STK31: variants seen among roughly 807,000 people sequenced by gnomAD.
The protein encoded by STK31 is serine/threonine kinase 31, also known as serine/threonine-protein kinase 31.
A neutral mutation model predicts 129.7 loss-of-function variants in STK31; 89 were observed. The ratio of observed to expected loss-of-function variants is 0.69; its 90% CI spans 0.58 to 0.82. The LOEUF is 0.82. Ranked by LOEUF, STK31 falls within the 40% of genes least tolerant of loss-of-function variation. STK31 has a pLI of 0.00. For missense variants in STK31, 1,187 were observed against 1,176.4 expected, an observed-to-expected ratio of 1.01 and a Z score of -0.13; for synonymous variants, 448 against 395.3, an observed-to-expected ratio of 1.13 and a Z score of -1.58.
At chr7:23,769,478 T>A (rs948986355) in intron 12 of STK31, among the ~76,000 whole-genome samples, 162 bp from the exon 13 acceptor site, 2 of 152,192 alleles carry the variant, frequency 1.3e-5, no homozygotes, top group Non-Finnish European at 2.9e-5. Context: ...CCTTTTCCTT[T>A]CAGTGCATAA....
rs1420524828 is a variant in STK31, at chr7:23,781,452, A to T, written c.1999A>T (p.Ile667Leu). The part of the protein sequence containing the change: ...DDPDGSQIEK[I>L]KEEITQLRNN... The stretch of plus-strand genomic sequence containing the variant: ...TCCTGATGGCTCTCAAATTGAGAAA[A>T]TAAAAGAAGAAATAACTCAGCTGCG... The change falls in exon 16 of 24, where the codon ATA becomes TTA. Residue 667 changes from isoleucine (I) to leucine (L), a missense_variant. Ile to Leu is a conservative substitution (Grantham distance 5). This residue lies in a region of STK31 where 975 missense variants were observed against 934.9 expected (regional missense o/e 1.04). Coordinates refer to ENST00000355870, the MANE Select transcript of STK31 (RefSeq NM_031414.5). The T allele has an allele frequency of 6.2e-7, 1 of 1,611,564 alleles. No homozygotes were observed. Among genetic ancestry groups the T allele is most frequent in the Non-Finnish European group, 8.5e-7 (1 of 1,179,176 alleles).
chr7:23,824,147 A>G (rs1376968592), intron 23 of STK31, among the ~76,000 whole-genome samples: 1 of 152,254 alleles, frequency 6.6e-6, no homozygotes, highest in Non-Finnish European at 1.5e-5. Flanking sequence ...AGTCATTGGT[A>G]GCTCGATGGG....
At chr7:23,827,233 C>A (rs1794217681) in intron 23 of STK31, among the ~76,000 whole-genome samples, 1 of 152,200 alleles carries the variant, frequency 6.6e-6, no homozygotes, top group African/African-American at 2.4e-5. Flanking sequence ...TTGAGGTACA[C>A]CAATTAGACG....
At chr7:23,760,580 C>G (rs1470315217) in intron 10 of STK31, among the ~76,000 whole-genome samples, 1 of 152,000 alleles carries the variant, frequency 6.6e-6, no homozygotes, top group African/African-American at 2.4e-5. Context: ...ATATTTGCTC[C>G]CATTTTATAA....
intron 22 of STK31, chr7:23,811,349 T>C: frequency 2.5e-6 from 1 of 398,568 alleles, no homozygotes; most frequent in Non-Finnish European, 4.9e-6. Flanking sequence ...TCTTCATTCT[T>C]CAAGTTTGCC....
chr7:23,824,518 T>G (rs1793989528), intron 23 of STK31, among the ~76,000 whole-genome samples: 1 of 152,192 alleles, frequency 6.6e-6, no homozygotes, highest in Admixed American at 6.6e-5. Context: ...TGGGGTTTTC[T>G]AGATATACAA....
chr7:23,753,964 C>T (rs1721148919), intron 9 of STK31, among the ~76,000 whole-genome samples: 1 of 151,986 alleles, frequency 6.6e-6, no homozygotes, highest in Admixed American at 6.6e-5. Flanking sequence ...ATCTGTAGAC[C>T]AAAAATTGAA....
chr7:23,731,405 G>A (rs984256556), intron 6 of STK31, among the ~76,000 whole-genome samples: 11 of 152,046 alleles, frequency 7.2e-5, no homozygotes, highest in African/African-American at 2.4e-4. Flanking sequence ...TAGTCACTCC[G>A]TATATAAAGC....
chr7:23,726,187 A>C (rs1787056743), intron 4 of STK31: 1 of 152,106 alleles, frequency 6.6e-6, no homozygotes, highest in South Asian at 2.1e-4. Flanking sequence ...CCTTCAGGAG[A>C]CATTTGACAG....
At chr7:23,824,227 T>G (rs1793970486) in intron 23 of STK31, among the ~76,000 whole-genome samples, 1 of 152,266 alleles carries the variant, frequency 6.6e-6, no homozygotes, top group South Asian at 2.1e-4. Flanking sequence ...TTCCTACCCA[T>G]GAGCATGGAA....
At chr7:23,792,984 T>G (rs1212594651) in intron 22 of STK31, among the ~76,000 whole-genome samples, 2 of 152,232 alleles carry the variant, frequency 1.3e-5, no homozygotes, top group African/African-American at 4.8e-5. Context: ...ACTGCTCCAC[T>G]GCACTCCAGC....
At chr7:23,737,831 TC>T (rs1229816419) in intron 8 of STK31, among the ~76,000 whole-genome samples, 7 of 151,538 alleles carry the variant, frequency 4.6e-5, no homozygotes, top group South Asian at 4.2e-4. Context: ...TCAGAAATTT[TC>T]CCCCCCAGGG....
chr7:23,784,309 G>A (rs1353109549), intron 17 of STK31, among the ~76,000 whole-genome samples: 1 of 151,902 alleles, frequency 6.6e-6, no homozygotes, highest in African/African-American at 2.4e-5. Flanking sequence ...GCTTAAATAT[G>A]GTACAGAGAG....
At chr7:23,729,361 GA>G (rs1385306091) in intron 6 of STK31, 112 bp downstream of exon 6, 13 of 940,268 alleles carry the variant, frequency 1.4e-5, no homozygotes, top group Non-Finnish European at 1.6e-5. Flanking sequence ...ATAAATTAGT[GA>G]AAAATAGGAA....
chr7:23,814,559 A>G (rs1309569030), intron 22 of STK31, among the ~76,000 whole-genome samples: 10 of 152,178 alleles, frequency 6.6e-5, no homozygotes, highest in Non-Finnish European at 5.9e-5. Flanking sequence ...TATGAAATAC[A>G]TAGGATTTGC....
At chr7:23,745,030 G>A (rs2128087253) in intron 8 of STK31, among the ~76,000 whole-genome samples, 1 of 152,314 alleles carries the variant, frequency 6.6e-6, no homozygotes, top group East Asian at 1.9e-4. Flanking sequence ...AGTAGCAATG[G>A]CTTGACAACC....
intron 23 of STK31, among the ~76,000 whole-genome samples, chr7:23,820,262 A>G (rs762081218): frequency 6.6e-6 from 1 of 152,206 alleles, no homozygotes. Context: ...CAGTTGGCCC[A>G]GTGGAACCTA....
chr7:23,749,592 G>A (rs1247220774), intron 8 of STK31, among the ~76,000 whole-genome samples: 1 of 151,144 alleles, frequency 6.6e-6, no homozygotes, highest in African/African-American at 2.4e-5. Context: ...GGCTCAAGCA[G>A]TTGACCCACT....
chr7:23,830,630 T>TGTGTGTGTG (rs1794490270), intron 23 of STK31, among the ~76,000 whole-genome samples: 1 of 78,468 alleles, frequency 1.3e-5, no homozygotes, highest in African/African-American at 7.1e-5. Flanking sequence ...GTGTGTGTGT[T>TGTGTGTGTG]GTTTTTGAGC....
Sources: gnomAD v4.1 joint callset for allele counts (sites outside exome capture counted in the v4.1 genomes callset) on GRCh38, gnomAD v4.1.1 for gene constraint, gnomAD v4.1.1 regional missense constraint, MANE v1.5 for transcripts, NCBI Gene and HGNC (gene_info 2026-07-23, HGNC 2026-07-21) for gene names.